The following STK32B variants were observed in gnomAD, a reference collection of about 807,000 sequenced individuals.
STK32B encodes the protein serine/threonine-protein kinase 32B.
A neutral mutation model predicts 52.6 loss-of-function variants in STK32B; 43 were observed. The observed-to-expected ratio is 0.82, with a 90% confidence interval of 0.64 to 1.05. The LOEUF is 1.05. Among genes scored for constraint, STK32B ranks in the 50% least tolerant of loss-of-function variants. The pLI is 0.00. For missense variants in STK32B, 621 were observed against 534.6 expected (o/e 1.16, Z -1.59); for synonymous variants, 238 against 204.3 (o/e 1.17, Z -1.41).
At chr4:5,076,010 A>G (rs1341042310) in intron 1 of STK32B, among the ~76,000 whole-genome samples, 1 of 152,180 alleles carries the variant, frequency 6.6e-6, no homozygotes, top group African/African-American at 2.4e-5. Context: ...CTGGCTGGAG[A>G]TGCTGAATTA....
chr4:5,188,712 C>T (rs1720936905), intron 3 of STK32B, among the ~76,000 whole-genome samples: 1 of 152,052 alleles, frequency 6.6e-6, no homozygotes, highest in African/African-American at 2.4e-5. Flanking sequence ...ATTTTCTATG[C>T]CCCTTTCTCC....
chr4:5,476,089 G>A (rs183934926), intron 11 of STK32B, among the ~76,000 whole-genome samples: 1 of 151,942 alleles, frequency 6.6e-6, no homozygotes, highest in African/African-American at 2.4e-5. Context: ...TAGTAGAGAT[G>A]GGGTTTCGCC....
chr4:5,160,880 C>T (rs1718388108), intron 2 of STK32B, among the ~76,000 whole-genome samples: 2 of 152,112 alleles, frequency 1.3e-5, no homozygotes, highest in East Asian at 3.9e-4. Context: ...TCAGAGTTGG[C>T]TTAGTTGGTA....
chr4:5,021,504 C>T, the STK32B span, among the ~76,000 whole-genome samples: 10 of 152,100 alleles, frequency 6.6e-5, no homozygotes, highest in Non-Finnish European at 1.2e-4. Flanking sequence ...GCTGGGGACT[C>T]TAGGTCTGCT....
chr4:5,150,729 T>C (rs1717292513), intron 2 of STK32B, among the ~76,000 whole-genome samples: 1 of 152,074 alleles, frequency 6.6e-6, no homozygotes, highest in African/African-American at 2.4e-5. Context: ...TTGGATACTC[T>C]TGGATTTCTC....
chr4:5,413,180 A>G (rs1173757259), intron 5 of STK32B, among the ~76,000 whole-genome samples: 6 of 152,146 alleles, frequency 3.9e-5, no homozygotes, highest in African/African-American at 1.4e-4. Flanking sequence ...TATTAATATT[A>G]TCCCCTTCTT....
intron 9 of STK32B, among the ~76,000 whole-genome samples, chr4:5,462,129 A>G (rs1717073710): frequency 6.7e-6 from 1 of 150,036 alleles, no homozygotes; most frequent in South Asian, 2.1e-4. Flanking sequence ...CTGTGTGTGC[A>G]TGCCAGTGCA....
chr4:5,023,579 G>A, the STK32B span, among the ~76,000 whole-genome samples: 6 of 152,164 alleles, frequency 3.9e-5, no homozygotes, highest in Admixed American at 3.9e-4. Context: ...GTGTGGCGAT[G>A]TTAAGACCAT....
intron 3 of STK32B, among the ~76,000 whole-genome samples, chr4:5,200,735 C>T (rs906979779): frequency 2.0e-5 from 3 of 152,172 alleles, no homozygotes; most frequent in African/African-American, 7.2e-5. Context: ...CAGGAAAAGT[C>T]ATGGCAAGTG....
rs143348097 is a variant in STK32B at position 5,452,334 on chromosome 4, C to T, written c.667-4473C>T. On this transcript the variant is annotated intron_variant, in intron 7 of 11. Transcript: ENST00000282908. ...GAGGTGAGAGAGCGGCACTGAGTAC[C>T]GCTGGATGTACAAGGCGTGGGTGGG... Among the ~76,000 whole-genome samples the T allele has an allele frequency of 2.2e-3, 332 of 151,972 alleles. 2 individuals carry two copies. The highest frequency in any genetic ancestry group is 0.014 in the Middle Eastern group (4 of 292).
intron 3 of STK32B, among the ~76,000 whole-genome samples, chr4:5,281,580 A>G (rs1269058369): frequency 6.6e-6 from 1 of 152,208 alleles, no homozygotes; most frequent in Non-Finnish European, 1.5e-5. Flanking sequence ...CGTGTTCTGT[A>G]CATGTATCCC....
At chr4:5,173,254 G>C (rs1158693012) in intron 3 of STK32B, among the ~76,000 whole-genome samples, 2 of 152,062 alleles carry the variant, frequency 1.3e-5, no homozygotes, top group East Asian at 1.9e-4. Flanking sequence ...CAAAAAACCA[G>C]CTCCTGGATT....
intron 3 of STK32B, among the ~76,000 whole-genome samples, chr4:5,281,791 T>C (rs1031395262): frequency 1.3e-5 from 2 of 152,156 alleles, no homozygotes; most frequent in African/African-American, 2.4e-5. Flanking sequence ...GAGGACATAA[T>C]TGAGGTGAAA....
intron 1 of STK32B, among the ~76,000 whole-genome samples, chr4:5,136,539 T>C (rs1235090098): frequency 6.6e-6 from 1 of 152,194 alleles, no homozygotes; most frequent in African/African-American, 2.4e-5. Context: ...TTCCCCAGAC[T>C]GGGTAGTTTT....
intron 3 of STK32B, among the ~76,000 whole-genome samples, chr4:5,209,055 G>A (rs1722749519): frequency 1.3e-5 from 2 of 152,204 alleles, no homozygotes; most frequent in South Asian, 4.1e-4. Flanking sequence ...TGTCCAGTGT[G>A]CTCTGTCTGG....
chr4:5,337,932 AG>A lies in STK32B; in HGVS notation c.434+6540del, dbSNP rs140681731. ...GACTAAGTCTCCTGGGATTGGAGAA[AG>A]ACGGCTAAATCTTTGTCTTCCCTAG... On this transcript the variant is annotated intron_variant, in intron 4 of 11. Transcript: ENST00000282908. Among the ~76,000 whole-genome samples the A allele has an allele frequency of 2.8e-4, 42 of 152,332 alleles. 1 individual carries two copies. In the East Asian group the frequency reaches 7.7e-3, roughly 28 times the overall value.
At chr4:5,148,280 TTCTC>T (rs1339143140) in intron 2 of STK32B, among the ~76,000 whole-genome samples, 3 of 151,790 alleles carry the variant, frequency 2.0e-5, no homozygotes, top group African/African-American at 4.8e-5. Context: ...TTTGCCTTCT[TTCTC>T]TTATTTTCTT....
rs995894061 is a variant in STK32B, at chr4:5,386,954, C to G, written c.435-11253C>G. On this transcript the variant is annotated intron_variant, in intron 4 of 11. Coordinates refer to ENST00000282908, the MANE Select transcript of STK32B (RefSeq NM_018401.3). This position sits in a 1 kb window ranked among gnomAD's most constrained non-coding sequence, Gnocchi z 4.5. Reference sequence around the variant, plus strand: ...CAGAAATAGGAAGCTCTCGAAGAGTCGCAGCATCTCACAGGCCCAGCCACT... The same window carrying G: ...CAGAAATAGGAAGCTCTCGAAGAGTGGCAGCATCTCACAGGCCCAGCCACT... Among the ~76,000 whole-genome samples, 1 of 152,188 alleles carries G rather than the reference C, an allele frequency of 6.6e-6. No individual in the cohort carries two copies. Among genetic ancestry groups the G allele is most frequent in the African/African-American group, 2.4e-5 (1 of 41,446 alleles).
intron 3 of STK32B, among the ~76,000 whole-genome samples, chr4:5,277,806 G>A (rs1419829282): frequency 6.6e-6 from 1 of 152,056 alleles, no homozygotes; most frequent in Non-Finnish European, 1.5e-5. Flanking sequence ...TTTAAAAAAT[G>A]ATATGTTCCT....
Sources: gnomAD v4.1 joint callset for allele counts (sites outside exome capture counted in the v4.1 genomes callset) on GRCh38, gnomAD v4.1.1 for gene constraint, Gnocchi (gnomAD v3.1) non-coding constraint, MANE v1.5 for transcripts, NCBI Gene and HGNC (gene_info 2026-07-23, HGNC 2026-07-21) for gene names.